The following SV2C variants were observed in gnomAD, a reference collection of about 807,000 sequenced individuals.
The protein encoded by SV2C is synaptic vesicle glycoprotein 2C, also known as solute carrier family 22 member B3.
Under a neutral mutation model 79.7 loss-of-function variants are expected in SV2C, and 49 were observed. The ratio of observed to expected loss-of-function variants is 0.61; its 90% CI spans 0.49 to 0.78. SV2C has a LOEUF of 0.78. Among genes scored for constraint, SV2C ranks in the 30% least tolerant of loss-of-function variants. The pLI is 0.00. For synonymous variants in SV2C, 334 were observed against 333.2 expected, an observed-to-expected ratio of 1.00 and a Z score of -0.03; for missense variants, 833 against 912.9, an observed-to-expected ratio of 0.91 and a Z score of 1.13.
rs762990822 is a variant in SV2C, at chr5:76,195,097, C to T, written c.759C>T (p.Phe253=). 26 of 1,612,732 alleles carry T rather than the reference C, an allele frequency of 1.6e-5. No homozygotes were observed. Among genetic ancestry groups the T allele is most frequent in the Admixed American group, 8.4e-5 (5 of 59,772 alleles). The change falls in exon 3 of 13, where the codon TTC becomes TTT. Residue 253 remains phenylalanine, a splice_region_variant and synonymous_variant. Transcript: ENST00000502798. ...FFLFCRLLSG[F]GIGGAIPTVF... ...TCTTCTGTCGCTTACTTTCTGGATT[C>T]GGGTAAGGTTTTCTCCTTCATATTT... is the stretch of plus-strand genomic sequence containing the variant.
the SV2C span, among the ~76,000 whole-genome samples, chr5:76,014,442 GA>G: frequency 6.6e-6 from 1 of 152,168 alleles, no homozygotes; most frequent in Non-Finnish European, 1.5e-5. Flanking sequence ...AGACTTTTAA[GA>G]GTTCAGACTA....
At chr5:76,091,363 A>G (rs1167841969) in intron 1 of SV2C, among the ~76,000 whole-genome samples, 1 of 152,104 alleles carries the variant, frequency 6.6e-6, no homozygotes, top group Non-Finnish European at 1.5e-5. Flanking sequence ...ATTCCTCACT[A>G]TTCTTTGAGT....
rs534691125 is a variant in SV2C at position 76,095,259 on chromosome 5, A to G, written c.-102+11747A>G. Among the ~76,000 whole-genome samples the G allele has an allele frequency of 2.1e-4, 32 of 152,208 alleles. 1 individual carries two copies. The South Asian group carries it at 6.0e-3, about 29-fold the overall frequency. On this transcript the variant is annotated intron_variant, in intron 1 of 12. Transcript: ENST00000502798. ...GAGGTCCCAGTTCTTGCATCCATGT[A>G]GTAGATTTGTCACAATTGATGAGCC...
chr5:75,997,993 A>G, the SV2C span, among the ~76,000 whole-genome samples: 1 of 152,242 alleles, frequency 6.6e-6, no homozygotes, highest in East Asian at 1.9e-4. Context: ...CATATACACC[A>G]TGGAATACTA....
the SV2C span, among the ~76,000 whole-genome samples, chr5:76,037,187 T>G: frequency 2.0e-5 from 3 of 152,240 alleles, no homozygotes; most frequent in African/African-American, 7.2e-5. Context: ...GCCTTTGGTT[T>G]GAATGTCCTC....
the SV2C span, among the ~76,000 whole-genome samples, chr5:75,898,946 G>T: frequency 1.3e-5 from 2 of 151,940 alleles, no homozygotes; most frequent in African/African-American, 4.8e-5. Flanking sequence ...GCATCTTTTT[G>T]ATTCTTCTTT....
intron 12 of SV2C, among the ~76,000 whole-genome samples, chr5:76,319,194 T>C (rs1748735566): frequency 6.6e-6 from 1 of 151,480 alleles, no homozygotes; most frequent in African/African-American, 2.4e-5. Flanking sequence ...GCAGATTAAT[T>C]GGGCCCAGCA....
At chr5:75,956,460 TGG>T in the SV2C span, among the ~76,000 whole-genome samples, 1 of 151,424 alleles carries the variant, frequency 6.6e-6, no homozygotes, top group Non-Finnish European at 1.5e-5. Context: ...GACGAGTTAG[TGG>T]GTGCAGCACA....
the SV2C span, among the ~76,000 whole-genome samples, chr5:76,042,984 G>T: frequency 6.6e-6 from 1 of 152,180 alleles, no homozygotes; most frequent in African/African-American, 2.4e-5. Flanking sequence ...TAGAATAGTG[G>T]TTAGATGTGT....
At chr5:76,226,056 C>T (rs917965741) in intron 4 of SV2C, among the ~76,000 whole-genome samples, 49 of 152,258 alleles carry the variant, frequency 3.2e-4, no homozygotes, top group African/African-American at 1.1e-3. Context: ...TTCAACGAAC[C>T]GCTTCCTCAA....
chr5:76,151,710 T>A (rs10805897), intron 2 of SV2C, among the ~76,000 whole-genome samples: 159 of 152,036 alleles, frequency 1.0e-3, no homozygotes, highest in South Asian at 2.9e-3. Flanking sequence ...GAGAGCCCAC[T>A]TGTAGGAAGG....
At chr5:76,139,756 A>C (rs1413490441) in intron 2 of SV2C, among the ~76,000 whole-genome samples, 2 of 152,134 alleles carry the variant, frequency 1.3e-5, no homozygotes, top group Admixed American at 1.3e-4. Context: ...GGACGAAAAC[A>C]GAGCTAGACC....
the SV2C span, among the ~76,000 whole-genome samples, chr5:75,908,189 T>C: frequency 6.6e-6 from 1 of 152,222 alleles, no homozygotes; most frequent in African/African-American, 2.4e-5. Flanking sequence ...GCTCTTGTTT[T>C]CCCCCAACTC....
intron 4 of SV2C, among the ~76,000 whole-genome samples, chr5:76,263,858 T>C (rs554425405): frequency 1.3e-5 from 2 of 152,318 alleles, no homozygotes; most frequent in East Asian, 3.9e-4. Flanking sequence ...GCCCTTAACA[T>C]TTTTTCCTTC....
At chr5:76,144,157 A>T (rs72771998) in intron 2 of SV2C, among the ~76,000 whole-genome samples, 68,087 of 152,098 alleles carry the variant, frequency 0.45, 17,584 homozygotes, top group Non-Finnish European at 0.59. Context: ...TGATACAATT[A>T]AAAAAATGCA....
the SV2C span, among the ~76,000 whole-genome samples, chr5:76,018,798 C>A: frequency 3.9e-5 from 6 of 152,170 alleles, no homozygotes; most frequent in Non-Finnish European, 8.8e-5. Flanking sequence ...GAATCCTATG[C>A]GTACATGAAC....
intron 12 of SV2C, among the ~76,000 whole-genome samples, chr5:76,308,823 A>AAAAGT (rs1233872707): frequency 3.9e-5 from 6 of 152,206 alleles, no homozygotes; most frequent in African/African-American, 1.4e-4. Context: ...GAAGAATAAG[A>AAAAGT]AAAGTATATC....
intron 4 of SV2C, among the ~76,000 whole-genome samples, chr5:76,255,803 G>T (rs1561285548): frequency 6.6e-6 from 1 of 152,094 alleles, no homozygotes; most frequent in African/African-American, 2.4e-5. Context: ...TGCCTCACCT[G>T]AGACTCTCAT....
intron 6 of SV2C, among the ~76,000 whole-genome samples, chr5:76,287,141 G>T (rs1305241743): frequency 6.6e-6 from 1 of 152,048 alleles, no homozygotes; most frequent in African/African-American, 2.4e-5. Flanking sequence ...GTTCTAATTT[G>T]TGAAAAGTTT....
Sources: allele counts gnomAD v4.1 joint callset (sites outside exome capture counted in the v4.1 genomes callset), GRCh38; gene constraint gnomAD v4.1.1; transcripts MANE v1.5; gene names NCBI Gene and HGNC (gene_info 2026-07-23, HGNC 2026-07-21).